TLE2: variants seen among roughly 807,000 people sequenced by gnomAD.
The protein encoded by TLE2 is transducin-like enhancer protein 2.
Under a neutral mutation model 97.2 loss-of-function variants are expected in TLE2, and 74 were observed. The observed-to-expected ratio is 0.76, with a 90% CI of 0.63 to 0.92. TLE2 has a LOEUF of 0.92. Ranked by LOEUF, TLE2 falls within the 40% of genes least tolerant of loss-of-function variation. TLE2 has a pLI of 0.00. For synonymous variants in TLE2, 499 were observed against 432.1 expected (o/e 1.15, Z -1.92); for missense variants, 1,038 against 1,008.7 (o/e 1.03, Z -0.39).
In TLE2 at chr19:3,024,940, G is replaced by A. The variant is rs1010366019; in HGVS notation, c.294+80C>T. ...GCTACGCGGCAGAATCAGTGCCTGG[G>A]GCGTCCTCGCCCAGACCTACCCCCT... On this transcript the variant is annotated intron_variant, in intron 5 of 19. Coordinates refer to ENST00000262953, the MANE Select transcript of TLE2 (RefSeq NM_003260.5). The A allele has an allele frequency of 1.2e-5, 15 of 1,260,978 alleles. No individual in the cohort carries two copies. In the African/African-American group the frequency reaches 2.1e-4, roughly 18 times the overall value. 78.1% of individuals were successfully genotyped at this position (1,260,978 alleles called of 1,614,324 possible).
upstream of TLE2, among the ~76,000 whole-genome samples, chr19:3,032,924 C>G (rs2090036386): frequency 6.7e-6 from 1 of 148,934 alleles, no homozygotes; most frequent in Admixed American, 6.8e-5. The surrounding 1 kb of genome is among the most constrained non-coding windows in gnomAD (Gnocchi z 4.1). Flanking sequence ...CACCCCACAT[C>G]TTCCTTCTTG....
At chr19:2,997,982 G>A in intron 19 of TLE2, 27 bp from the exon 20 acceptor site, 1 of 1,531,736 alleles carries the variant, frequency 6.5e-7, no homozygotes, top group Non-Finnish European at 9.0e-7. Context: ...GAGAGAAAAG[G>A]GCACAGTGAG....
intron 5 of TLE2, among the ~76,000 whole-genome samples, chr19:3,023,346 T>G (rs1039955213): frequency 6.6e-6 from 1 of 152,096 alleles, no homozygotes. Context: ...TACCTAAACT[T>G]CTTGCGGCTC....
chr19:3,010,746 G>A (rs936079497), intron 12 of TLE2, among the ~76,000 whole-genome samples: 1 of 152,194 alleles, frequency 6.6e-6, no homozygotes, highest in Non-Finnish European at 1.5e-5. Context: ...TGAAACCCAA[G>A]TCTGTCTGGC....
chr19:3,022,639 G>A (rs1018619366), intron 5 of TLE2, among the ~76,000 whole-genome samples: 13 of 152,104 alleles, frequency 8.5e-5, no homozygotes, highest in African/African-American at 2.2e-4. Context: ...GTAGGATAGC[G>A]GAACAGTAGT....
At chr19:3,012,314 C>A (rs113721439) in intron 11 of TLE2, among the ~76,000 whole-genome samples, 4 of 152,030 alleles carry the variant, frequency 2.6e-5, no homozygotes, top group African/African-American at 4.8e-5. Context: ...CTCCCATGCT[C>A]GAGTGATCCT....
At chr19:3,016,725 A>G (rs4807385) in intron 8 of TLE2, among the ~76,000 whole-genome samples, 46,273 of 152,018 alleles carry the variant, frequency 0.3, 8,704 homozygotes, top group African/African-American at 0.52. Context: ...GATGGGAAGA[A>G]GGGTCCAAGG....
intron 1 of TLE2, among the ~76,000 whole-genome samples, chr19:3,034,949 G>A (rs941645382): frequency 6.6e-6 from 1 of 152,126 alleles, no homozygotes; most frequent in Non-Finnish European, 1.5e-5. Context: ...CGAGGAACAG[G>A]GGCATTGCCC....
intron 5 of TLE2, among the ~76,000 whole-genome samples, chr19:3,024,575 C>T (rs1238373239): frequency 6.6e-6 from 1 of 151,956 alleles, no homozygotes; most frequent in African/African-American, 2.4e-5. Flanking sequence ...TCTAGCAAGA[C>T]GGTAGGGTTA....
At chr19:3,003,017 T>C (rs2089399238) in intron 17 of TLE2, among the ~76,000 whole-genome samples, 2 of 152,060 alleles carry the variant, frequency 1.3e-5, no homozygotes, top group Non-Finnish European at 2.9e-5. Context: ...CTTTGGATAT[T>C]GGGGGGTGCC....
chr19:2,998,962 T>G (rs1239997634), intron 19 of TLE2, among the ~76,000 whole-genome samples: 4 of 152,126 alleles, frequency 2.6e-5, no homozygotes, highest in Non-Finnish European at 5.9e-5. Flanking sequence ...TCTAAATAAG[T>G]CCATGTCACA....
intron 16 of TLE2, 38 bp downstream of exon 16, chr19:3,005,683 G>A (rs1434299837): frequency 3.1e-6 from 5 of 1,607,290 alleles, no homozygotes; most frequent in African/African-American, 1.3e-5. Flanking sequence ...GAGAGCGGCC[G>A]GGGGCTTGCC....
At chr19:3,028,201 C>A in intron 3 of TLE2, 118 bp downstream of exon 3, 1 of 1,113,418 alleles carries the variant, frequency 9.0e-7, no homozygotes, top group Non-Finnish European at 1.3e-6. Flanking sequence ...CCCAACCTGC[C>A]CAATGTACAG....
chr19:3,003,969 A>C (rs984791543), intron 17 of TLE2, among the ~76,000 whole-genome samples: 3 of 152,138 alleles, frequency 2.0e-5, no homozygotes, highest in African/African-American at 7.2e-5. Context: ...GGCCTCCCAA[A>C]GTGCTGAGAT....
rs377009962 is a variant in TLE2, at chr19:3,000,757, G to C, written c.2048-34C>G. The C allele has an allele frequency of 1.9e-5, 29 of 1,545,444 alleles. No individual in the cohort carries two copies. In the African/African-American group the frequency reaches 3.3e-4, roughly 17 times the overall value. ...AGGAGAGCAGCAGGGTTCAAGGAGG[G>C]GGCACTAACGAGAGACCCGGGCTGC... On this transcript the variant is annotated intron_variant, in intron 18 of 19. Coordinates refer to ENST00000262953, the MANE Select transcript of TLE2 (RefSeq NM_003260.5).
Position 3,007,359 on chromosome 19 carries a change from G to C in TLE2, c.1251-690C>G, listed in dbSNP as rs191759557. The stretch of plus-strand genomic sequence containing the variant: ...CCCACCTCGGCCTCCCAAAATGCTG[G>C]GATTACAGGCATGAGCCACCGGGCC... On this transcript the variant is annotated intron_variant, in intron 14 of 19. Transcript: ENST00000262953. 2.0e-3 allele frequency among the ~76,000 whole-genome samples: 305 copies of C among 152,168 alleles called. 5 individuals are homozygous for C. The East Asian group carries it at 0.025, about 12-fold the overall frequency.
intron 1 of TLE2, among the ~76,000 whole-genome samples, chr19:3,042,699 G>A (rs906198845): frequency 6.6e-6 from 1 of 151,660 alleles, no homozygotes; most frequent in Non-Finnish European, 1.5e-5. Flanking sequence ...TTCATATTAG[G>A]GGTTTGTCCC....
chr19:3,030,950 CAA>C (rs60265159), upstream of TLE2, among the ~76,000 whole-genome samples: 622 of 112,860 alleles, frequency 5.5e-3, 4 homozygotes, highest in African/African-American at 0.018. Context: ...GACCTTGTCT[CAA>C]AAAAAAAAAA....
chr19:3,022,956 A>G (rs1267803693), intron 5 of TLE2, among the ~76,000 whole-genome samples: 1 of 152,156 alleles, frequency 6.6e-6, no homozygotes, highest in East Asian at 1.9e-4. Flanking sequence ...CTTTATTTGC[A>G]AAAACAAGTG....
Sources: gnomAD v4.1 joint callset for allele counts (sites outside exome capture counted in the v4.1 genomes callset) on GRCh38, gnomAD v4.1.1 for gene constraint, Gnocchi (gnomAD v3.1) non-coding constraint, MANE v1.5 for transcripts, NCBI Gene and HGNC (gene_info 2026-07-23, HGNC 2026-07-21) for gene names.